DECR2: variants seen among roughly 807,000 people sequenced by gnomAD.
DECR2 encodes 2,4-dienoyl-CoA reductase 2, also known as peroxisomal 2,4-dienoyl-CoA reductase [(3E)-enoyl-CoA-producing].
In DECR2, 34 loss-of-function variants were observed where a neutral mutation model predicts 29.2. That is an observed-to-expected ratio of 1.16 (90% CI 0.89 to 1.55). The LOEUF is 1.55. Among genes scored for constraint, DECR2 ranks in the 40% most tolerant of loss-of-function variants. The pLI, the probability that DECR2 is intolerant of heterozygous loss-of-function variation, is 0.00. For missense variants in DECR2, 485 were observed against 425.3 expected (o/e 1.14, Z -1.23); for synonymous variants, 224 against 182.7 (o/e 1.23, Z -1.82).
Position 407,455 on chromosome 16 carries a change from C to A in DECR2, c.232C>A (p.Arg78=), listed in dbSNP as rs374820826. The A allele has an allele frequency of 3.7e-6, 6 of 1,611,674 alleles. No homozygotes were observed. The highest frequency in any genetic ancestry group is 5.1e-6 in the Non-Finnish European group (6 of 1,179,332). The change falls in exon 4 of 9, where the codon CGG becomes AGG. Residue 78 remains arginine, a synonymous_variant. Transcript: ENST00000219481. ...AARKLAGATG[R]RCLPLSMDVR... ...CAGGAAGCTGGCTGGGGCCACCGGC[C>A]GGCGCTGCCTCCCTCTCTCTATGGA...
At chr16:406,440 G>T (rs761133288) in intron 3 of DECR2, 43 bp downstream of exon 3, 52 of 1,597,472 alleles carry the variant, frequency 3.3e-5, no homozygotes, top group African/African-American at 6.7e-5. Context: ...GGTGGCTGTG[G>T]GGGGGCTGGG....
intron 4 of DECR2, among the ~76,000 whole-genome samples, chr16:407,974 CCTGTCTCCGGGCCCCTGTCTCCGGGCCT>C (rs2054753350): frequency 1.4e-4 from 14 of 99,286 alleles, no homozygotes; most frequent in African/African-American, 5.2e-4. Context: ...TCTCCGGCCC[CCTGTCTCCGGGCCCCTGTCTCCGGGCCT>C]CTGTCTCCGG....
rs2054800248 is a variant in DECR2, at chr16:410,480, TG to T, written c.462+116del. On this transcript the variant is annotated intron_variant, in intron 5 of 8. Transcript: ENST00000219481. This position sits in a 1 kb window ranked among gnomAD's most constrained non-coding sequence, Gnocchi z 4.1. The stretch of plus-strand genomic sequence containing the variant: ...GCGCTCTGTGAGAAGTTCTTCCGGG[TG>T]GGTGTACTCCCAGCGGGGGCCTCCC... 11 of 1,516,558 alleles carry T rather than the reference TG, an allele frequency of 7.3e-6. No individual in the cohort carries two copies. The allele number at this position is 1,516,558 out of a possible 1,614,324, so 93.9% of individuals were successfully genotyped here.
chr16:404,596 G>A (rs1051186712), intron 1 of DECR2, among the ~76,000 whole-genome samples: 4 of 151,636 alleles, frequency 2.6e-5, no homozygotes, highest in Non-Finnish European at 4.4e-5. Flanking sequence ...TTTTAACAGG[G>A]CTCTTTTATT....
At position 402,002 on chromosome 16, in the gene DECR2, T is replaced by A; in HGVS notation, c.39T>A (p.Cys13Ter). 6.7e-7 allele frequency: 1 copy of A among 1,488,888 alleles called. No homozygotes were observed. 92.2% of individuals were successfully genotyped at this position (1,488,888 alleles called of 1,614,324 possible). A position where few individuals can be genotyped will look rare whatever the true frequency, so the allele number is the denominator to read the frequency against. ...QPPPDVEGDDCLPAYRHLFCP... is the reference protein window; with the variant it reads ...QPPPDVEGDD Reference sequence around the variant, plus strand: ...CGCCCGACGTGGAGGGGGACGACTGTCTCCCCGCGTACCGCCACCTCTTCT... The same window carrying A: ...CGCCCGACGTGGAGGGGGACGACTGACTCCCCGCGTACCGCCACCTCTTCT... The change falls in exon 1 of 9, where the codon TGT (cysteine) becomes TGA (stop). Residue 13 changes from cysteine to a stop codon, truncating the protein, a stop_gained. Transcript: ENST00000219481. LOFTEE classifies it high-confidence loss of function.
chr16:407,651 T>C (rs1356606559), intron 4 of DECR2, 91 bp downstream of exon 4: 3 of 1,549,516 alleles, frequency 1.9e-6, no homozygotes, highest in Non-Finnish European at 2.6e-6. Context: ...GTGGGGACCA[T>C]GCCAGGGAAC....
At chr16:403,634 T>TC (rs1033340066) in intron 1 of DECR2, among the ~76,000 whole-genome samples, 1 of 152,080 alleles carries the variant, frequency 6.6e-6, no homozygotes, top group East Asian at 1.9e-4. Flanking sequence ...AAATACCCTT[T>TC]CCCCCACTGC....
rs1429551289 is a variant in DECR2 at position 411,451 on chromosome 16, A to G, written c.752A>G (p.Tyr251Cys). The G allele has an allele frequency of 6.8e-6, 11 of 1,613,606 alleles. No individual in the cohort carries two copies. The highest frequency in any genetic ancestry group is 9.3e-6 in the Non-Finnish European group (11 of 1,179,996). ...ACCGAGATCGCCCACAGCGTGCTCT[A>G]CCTGGCCAGCCCTCTGGCTTCCTAC... ...NKTEIAHSVL[Y>C]LASPLASYVT... The change falls in exon 8 of 9, where the codon TAC (tyrosine) becomes TGC (cysteine). Residue 251 changes from tyrosine (Y) to cysteine (C), a missense_variant. Tyr to Cys is a radical substitution (Grantham distance 194, BLOSUM62 -2). Coordinates refer to ENST00000219481, the MANE Select transcript of DECR2 (RefSeq NM_020664.4).
In DECR2 at chr16:410,366, G is replaced by T; in HGVS notation, c.461G>T (p.Arg154Leu). Residue 154 changes from arginine to leucine, a missense_variant and splice_region_variant, in exon 5 of 9, where the codon CGG becomes CTG. Arg to Leu is a moderately radical substitution (Grantham distance 102). Coordinates refer to ENST00000219481, the MANE Select transcript of DECR2 (RefSeq NM_020664.4). The surrounding 1 kb of genome is among the most constrained non-coding windows in gnomAD (Gnocchi z 4.1). ...VSRVLYEKFFRDHGGVIVNIT... is the reference protein window; with the variant it reads ...VSRVLYEKFFLDHGGVIVNIT... ...CGTGTGCTCTATGAGAAGTTCTTCC[G>T]GGTGGGTGCCTCGTGCGCTCTGTGA... The T allele has an allele frequency of 6.3e-7, 1 of 1,597,198 alleles. No individual in the cohort carries two copies. The highest frequency in any genetic ancestry group is 1.1e-5 in the South Asian group (1 of 89,552).
At chr16:407,846 T>TCTGTCTCC (rs2054748616) in intron 4 of DECR2, among the ~76,000 whole-genome samples, 2 of 128,192 alleles carry the variant, frequency 1.6e-5, no homozygotes, top group African/African-American at 6.0e-5. Context: ...CCCCTGTCTC[T>TCTGTCTCC]GGGCCTCTGT....
intron 4 of DECR2, among the ~76,000 whole-genome samples, chr16:408,347 GCCTTTGTGTCCCGCCTTCTGTCTCTGGC>G (rs944565007): frequency 2.0e-5 from 3 of 151,494 alleles, no homozygotes; most frequent in Non-Finnish European, 2.9e-5. Context: ...CTGTCTCCAG[GCCTTTGTGTCCCGCCTTCTGTCTCTGGC>G]CCTCTGTCTC....
At position 407,301 on chromosome 16, in the gene DECR2, G is replaced by A. The variant is rs577795536; in HGVS notation, c.202-124G>A. 4 of 1,473,566 alleles carry A rather than the reference G, an allele frequency of 2.7e-6. No individual in the cohort carries two copies. In the South Asian group the frequency reaches 4.3e-5, roughly 16 times the overall value. The allele number at this position is 1,473,566 out of a possible 1,614,324, so 91.3% of individuals were successfully genotyped here. ...CTTGCAGGCTGTGCTTCCCCAGAGTGGGGTCCAGCAGCAAACCCAGGGTCC... is the reference window on the plus strand; with the variant it reads ...CTTGCAGGCTGTGCTTCCCCAGAGTAGGGTCCAGCAGCAAACCCAGGGTCC... On this transcript the variant is annotated intron_variant, in intron 3 of 8. Transcript: ENST00000219481.
At chr16:404,890 A>C in intron 1 of DECR2, 66 bp from the exon 2 acceptor site, 1 of 1,563,134 alleles carries the variant, frequency 6.4e-7, no homozygotes, top group Non-Finnish European at 8.8e-7. Context: ...GGCCTTCCAA[A>C]GTGCTGGGAG....
intron 4 of DECR2, among the ~76,000 whole-genome samples, chr16:409,414 C>T (rs1268941924): frequency 6.6e-6 from 1 of 151,522 alleles, no homozygotes; most frequent in South Asian, 2.1e-4. Flanking sequence ...TCGTGATCCG[C>T]CCGCCTCAGC....
chr16:410,527 T>G lies in DECR2; in HGVS notation c.462+160T>G. 1.5e-6 allele frequency: 2 copies of G among 1,359,788 alleles called. No individual in the cohort carries two copies. The highest frequency in any genetic ancestry group is 2.0e-6 in the Non-Finnish European group (2 of 992,948). 84.2% of individuals were successfully genotyped at this position (1,359,788 alleles called of 1,614,324 possible). The stretch of plus-strand genomic sequence containing the variant: ...CTCCCCCTGACGGCCGCCCGCTCCC[T>G]GCCCTGGGCCTCCCCATGACGGCCG... On this transcript the variant is annotated intron_variant, in intron 5 of 8. Coordinates refer to ENST00000219481, the MANE Select transcript of DECR2 (RefSeq NM_020664.4). This position sits in a 1 kb window ranked among gnomAD's most constrained non-coding sequence, Gnocchi z 4.1.
At chr16:406,438 TG>T (rs759859529) in intron 3 of DECR2, 41 bp downstream of exon 3, 43 of 1,591,438 alleles carry the variant, frequency 2.7e-5, no homozygotes, top group Admixed American at 1.3e-4. Context: ...CGGGTGGCTG[TG>T]GGGGGGCTGG....
chr16:406,563 T>A (rs2054726700), intron 3 of DECR2, 166 bp downstream of exon 3: 2 of 700,898 alleles, frequency 2.9e-6, no homozygotes, highest in African/African-American at 1.8e-5. Context: ...GGTGGTGCGA[T>A]CTCGGCTCAC....
intron 7 of DECR2, 122 bp downstream of exon 7, chr16:411,198 C>G: frequency 1.7e-6 from 2 of 1,200,164 alleles, no homozygotes; most frequent in Non-Finnish European, 2.3e-6. Flanking sequence ...TCCATGGTGG[C>G]AACTATGTTC....
chr16:410,031 C>T lies in DECR2; in HGVS notation c.338-212C>T, dbSNP rs2054791683. Reference sequence around the variant, plus strand: ...AGTCGCAGGTACGGAGCCAGGGCTTCAGCATGTCTTCTCTTCTCGGGGACA... The same window carrying T: ...AGTCGCAGGTACGGAGCCAGGGCTTTAGCATGTCTTCTCTTCTCGGGGACA... On this transcript the variant is annotated intron_variant, in intron 4 of 8. Transcript: ENST00000219481. The surrounding 1 kb of genome is among the most constrained non-coding windows in gnomAD (Gnocchi z 4.1). The T allele has an allele frequency of 6.4e-6, 4 of 624,096 alleles. No individual in the cohort carries two copies. In the African/African-American group the frequency reaches 7.4e-5, roughly 11 times the overall value. The allele number at this position is 624,096 out of a possible 1,614,324, so 38.7% of individuals were successfully genotyped here.
Sources: gnomAD v4.1 joint callset for allele counts (sites outside exome capture counted in the v4.1 genomes callset) on GRCh38, gnomAD v4.1.1 for gene constraint, Gnocchi (gnomAD v3.1) non-coding constraint, MANE v1.5 for transcripts, NCBI Gene and HGNC (gene_info 2026-07-23, HGNC 2026-07-21) for gene names.